MAL2: variants seen among roughly 807,000 people sequenced by gnomAD.
MAL2 encodes the protein mal, T cell differentiation protein 2.
Under a neutral mutation model 18.1 loss-of-function variants are expected in MAL2, and 17 were observed. The ratio of observed to expected loss-of-function variants is 0.94; its 90% CI spans 0.64 to 1.41. The LOEUF is 1.41. MAL2 is among the 40% of genes most tolerant of loss of function. The pLI, the probability that MAL2 is intolerant of heterozygous loss-of-function variation, is 0.00. For synonymous variants in MAL2, 102 were observed against 102.3 expected, an observed-to-expected ratio of 1.00 and a Z score of 0.02; for missense variants, 222 against 231.9, an observed-to-expected ratio of 0.96 and a Z score of 0.28.
At chr8:119,234,130 G>C (rs1817810582) in intron 2 of MAL2, among the ~76,000 whole-genome samples, 1 of 152,252 alleles carries the variant, frequency 6.6e-6, no homozygotes, top group Non-Finnish European at 1.5e-5. Context: ...AGCAGGGCGA[G>C]GCATTGCCTC....
chr8:119,233,559 T>A (rs1251294523), intron 2 of MAL2, among the ~76,000 whole-genome samples: 11 of 152,050 alleles, frequency 7.2e-5, no homozygotes, highest in Non-Finnish European at 1.6e-4. Context: ...TCTATGCAAA[T>A]AAACTAGAAA....
Position 119,208,388 on chromosome 8 carries a change from G to T in MAL2, c.-85G>T. ...GCGCCCGGAGCCCGCGGAGCTGAGC[G>T]GCGGCGGCGGCGGCGGCAGGAGCCC... On this transcript the variant is annotated 5_prime_UTR_variant, in exon 1 of 4. Coordinates refer to ENST00000614891, the MANE Select transcript of MAL2 (RefSeq NM_052886.3). This position sits in a 1 kb window ranked among gnomAD's most constrained non-coding sequence, Gnocchi z 4.3. 1 of 641,002 alleles carries T rather than the reference G, an allele frequency of 1.6e-6. No homozygotes were observed. 39.7% of individuals were successfully genotyped at this position (641,002 alleles called of 1,614,324 possible).
At chr8:119,236,500 A>G (rs1234988017) in intron 2 of MAL2, among the ~76,000 whole-genome samples, 2 of 151,258 alleles carry the variant, frequency 1.3e-5, no homozygotes, top group Non-Finnish European at 3.0e-5. Flanking sequence ...CATTTTTTTC[A>G]GCACCACACC....
At position 119,208,781 on chromosome 8, in the gene MAL2, C is replaced by T; in HGVS notation, c.132+177C>T. 2.0e-6 allele frequency: 2 copies of T among 998,260 alleles called. No individual in the cohort carries two copies. Among genetic ancestry groups the T allele is most frequent in the Non-Finnish European group, 2.6e-6 (2 of 779,710 alleles). The allele number at this position is 998,260 out of a possible 1,614,324, so 61.8% of individuals were successfully genotyped here. On this transcript the variant is annotated intron_variant, in intron 1 of 3. Transcript: ENST00000614891. The surrounding 1 kb of genome is among the most constrained non-coding windows in gnomAD (Gnocchi z 4.3). ...GCCCCGCGCCGCCGCCCGGGCCCTC[C>T]CTCCTAGCACCTGTTACGCGGGCAC...
chr8:119,213,917 G>A (rs1303467098), intron 1 of MAL2, among the ~76,000 whole-genome samples: 2 of 152,064 alleles, frequency 1.3e-5, no homozygotes, highest in Non-Finnish European at 2.9e-5. Context: ...CATTTGCTCC[G>A]ACTGGCAGTC....
chr8:119,214,674 A>G (rs1002967085), intron 1 of MAL2, among the ~76,000 whole-genome samples: 4 of 152,206 alleles, frequency 2.6e-5, no homozygotes, highest in African/African-American at 9.6e-5. Context: ...GGTGTCAGCT[A>G]TTTAAGCAGC....
At chr8:119,242,123 G>T (rs182770719) in intron 3 of MAL2, among the ~76,000 whole-genome samples, 13 of 152,272 alleles carry the variant, frequency 8.5e-5, no homozygotes, top group Admixed American at 5.9e-4. Flanking sequence ...CTAGATTCTT[G>T]TATCTTGGAT....
chr8:119,238,346 A>G (rs1174031271), intron 2 of MAL2, among the ~76,000 whole-genome samples: 2 of 152,192 alleles, frequency 1.3e-5, no homozygotes, highest in Non-Finnish European at 2.9e-5. Context: ...AAATGGCCAT[A>G]CTGCCCAAGG....
chr8:119,223,862 G>A (rs1817524087), intron 2 of MAL2: 1 of 151,550 alleles, frequency 6.6e-6, no homozygotes, highest in South Asian at 2.1e-4. Context: ...TGATAGGTTT[G>A]GTAACATATT....
intron 2 of MAL2, among the ~76,000 whole-genome samples, chr8:119,226,019 C>G (rs1332129692): frequency 6.6e-6 from 1 of 152,072 alleles, no homozygotes; most frequent in Non-Finnish European, 1.5e-5. Context: ...GATGTTAGCC[C>G]TTTGTCAGAT....
At chr8:119,229,311 CTCT>C (rs1563773614) in intron 2 of MAL2, among the ~76,000 whole-genome samples, 1 of 64,942 alleles carries the variant, frequency 1.5e-5, no homozygotes, top group African/African-American at 5.2e-5. Context: ...CACTGTGGGC[CTCT>C]TTTTTTTTTT....
At chr8:119,237,002 G>A (rs1441015287) in intron 2 of MAL2, among the ~76,000 whole-genome samples, 1 of 151,608 alleles carries the variant, frequency 6.6e-6, no homozygotes, top group African/African-American at 2.4e-5. Context: ...GTGAATCCAG[G>A]AGCTGGATTT....
At chr8:119,219,472 T>A (rs910695201) in intron 1 of MAL2, among the ~76,000 whole-genome samples, 2 of 152,122 alleles carry the variant, frequency 1.3e-5, no homozygotes, top group African/African-American at 4.8e-5. Flanking sequence ...GAGCACTAGC[T>A]TGTTTACTAA....
chr8:119,216,965 G>C (rs891645738), intron 1 of MAL2, among the ~76,000 whole-genome samples: 1 of 152,182 alleles, frequency 6.6e-6, no homozygotes, highest in Non-Finnish European at 1.5e-5. Flanking sequence ...AAGAAAAAGG[G>C]CATTTGCAAA....
intron 1 of MAL2, among the ~76,000 whole-genome samples, chr8:119,212,254 C>A (rs994815501): frequency 6.6e-6 from 1 of 152,114 alleles, no homozygotes; most frequent in Non-Finnish European, 1.5e-5. Flanking sequence ...GTATTAATCA[C>A]GAAAAAGAAT....
rs777109285 is a variant in MAL2 at position 119,221,622 on chromosome 8, C to T, written c.168C>T (p.Ser56=). ...GTCTTGTCTGGATTTTGGTTGCCTC[C>T]TCCAATGTTCCTCTACCTCTACTAC... is the stretch of plus-strand genomic sequence containing the variant. ...FGGLVWILVA[S]SNVPLPLLQG... The change falls in exon 2 of 4, where the codon TCC becomes TCT. Residue 56 remains serine (S), a synonymous_variant. Transcript: ENST00000614891. The T allele has an allele frequency of 3.7e-6, 6 of 1,613,850 alleles. No homozygotes were observed. In the East Asian group the frequency reaches 1.1e-4, roughly 30 times the overall value.
intron 2 of MAL2, among the ~76,000 whole-genome samples, chr8:119,235,257 A>G (rs890727939): frequency 1.2e-4 from 19 of 152,136 alleles, no homozygotes; most frequent in Non-Finnish European, 1.2e-4. Context: ...AGAAAAAAGA[A>G]TAAAAAGAAA....
rs187485450 is a variant in MAL2, at chr8:119,222,777, A to G, written c.303+1020A>G. 2.9e-3 allele frequency among the ~76,000 whole-genome samples: 432 copies of G among 151,516 alleles called. 1 individual carries two copies. Among genetic ancestry groups the G allele is most frequent in the African/African-American group, 9.8e-3 (405 of 41,326 alleles). ...CAGGAAGTCGAGGCTGCAGTGAGCC[A>G]TGATCACACCAGTGCACTCCAGCCA... On this transcript the variant is annotated intron_variant, in intron 2 of 3. Coordinates refer to ENST00000614891, the MANE Select transcript of MAL2 (RefSeq NM_052886.3).
At chr8:119,220,430 G>A (rs1817444475) in intron 1 of MAL2, among the ~76,000 whole-genome samples, 1 of 152,282 alleles carries the variant, frequency 6.6e-6, no homozygotes, top group Non-Finnish European at 1.5e-5. Context: ...GAGATGTGCT[G>A]CCTCACCATC....
Sources: gnomAD v4.1 joint callset for allele counts (sites outside exome capture counted in the v4.1 genomes callset) on GRCh38, gnomAD v4.1.1 for gene constraint, Gnocchi (gnomAD v3.1) non-coding constraint, MANE v1.5 for transcripts, NCBI Gene and HGNC (gene_info 2026-07-23, HGNC 2026-07-21) for gene names.